Variants in KAZN observed in about 807,000 individuals in gnomAD.
KAZN encodes the protein kazrin, periplakin interacting protein.
In KAZN, 40 loss-of-function variants were observed where a neutral mutation model predicts 87.4. The ratio of observed to expected loss-of-function variants is 0.46; its 90% CI spans 0.36 to 0.60. The LOEUF (loss-of-function observed/expected upper bound fraction) is 0.60, where lower values mean the gene tolerates loss of function less well. Among genes scored for constraint, KAZN ranks in the 20% least tolerant of loss-of-function variants. The pLI, the probability that KAZN is intolerant of heterozygous loss-of-function variation, is 0.00. For synonymous variants in KAZN, 466 were observed against 458.3 expected, an observed-to-expected ratio of 1.02 and a Z score of -0.22; for missense variants, 898 against 1,073.9, an observed-to-expected ratio of 0.84 and a Z score of 2.29.
chr1:14,770,877 G>C (rs1005298375), intron 1 of KAZN, among the ~76,000 whole-genome samples: 1 of 152,154 alleles, frequency 6.6e-6, no homozygotes, highest in African/African-American at 2.4e-5. Flanking sequence ...ACAGAAGCAG[G>C]AATTAACTTT....
chr1:14,515,745 A>G (rs1037299330), intron 2 of KAZN, among the ~76,000 whole-genome samples: 4 of 151,942 alleles, frequency 2.6e-5, no homozygotes, highest in Non-Finnish European at 4.4e-5. Context: ...TGACTGCTTG[A>G]CCAAAGGGCT....
At chr1:14,354,038 A>T (rs1658781729) in intron 2 of KAZN, among the ~76,000 whole-genome samples, 1 of 152,244 alleles carries the variant, frequency 6.6e-6, no homozygotes, top group African/African-American at 2.4e-5. Context: ...AGTTATGGTA[A>T]TCACAACAGT....
At chr1:14,705,628 G>T (rs142799650) in intron 1 of KAZN, among the ~76,000 whole-genome samples, 18 of 152,280 alleles carry the variant, frequency 1.2e-4, no homozygotes, top group Middle Eastern at 6.8e-3. Context: ...GCCATTAGAG[G>T]CTACATGGGT....
At chr1:14,086,496 A>G (rs1185790666) in intron 1 of KAZN, among the ~76,000 whole-genome samples, 1 of 152,156 alleles carries the variant, frequency 6.6e-6, no homozygotes, top group Non-Finnish European at 1.5e-5. Context: ...TCATTTTCTT[A>G]TCAGTATCTC....
At chr1:14,960,360 A>G (rs1029759449) in intron 1 of KAZN, among the ~76,000 whole-genome samples, 1 of 152,338 alleles carries the variant, frequency 6.6e-6, no homozygotes, top group Admixed American at 6.5e-5. Flanking sequence ...TCAACTCAGC[A>G]TGCTGTTGGC....
At chr1:14,302,718 A>C (rs1468899484) in intron 2 of KAZN, among the ~76,000 whole-genome samples, 1 of 152,220 alleles carries the variant, frequency 6.6e-6, no homozygotes, top group Admixed American at 6.5e-5. Context: ...TCTCCAAAAA[A>C]GGCAAAAGAC....
At chr1:14,845,138 TG>T (rs1294873397) in intron 1 of KAZN, among the ~76,000 whole-genome samples, 1 of 149,586 alleles carries the variant, frequency 6.7e-6, no homozygotes, top group East Asian at 2.0e-4. Flanking sequence ...GATGAGTGGA[TG>T]ATGAATGGAT....
Position 14,368,660 on chromosome 1 carries a change from A to G in KAZN, c.249+188068A>G, listed in dbSNP as rs570743885. On this transcript the variant is annotated intron_variant, in intron 2 of 16. Coordinates refer to the KAZN transcript ENST00000636203. ...CCTCCTAAGCCTCTGGCTCAATCCT[A>G]CCTCAGGCTGTTGGCTCCTTGGAGT... Among the ~76,000 whole-genome samples the G allele has an allele frequency of 8.5e-5, 13 of 152,152 alleles. No homozygotes were observed. The East Asian group carries it at 2.5e-3, about 30-fold the overall frequency.
chr1:14,402,429 T>A (rs1663496010), intron 2 of KAZN, among the ~76,000 whole-genome samples: 1 of 152,110 alleles, frequency 6.6e-6, no homozygotes. Context: ...ACAAAAGCCT[T>A]GCAAGAACTT....
At chr1:14,394,829 T>C (rs1244391631) in intron 2 of KAZN, among the ~76,000 whole-genome samples, 1 of 152,180 alleles carries the variant, frequency 6.6e-6, no homozygotes, top group Non-Finnish European at 1.5e-5. Flanking sequence ...CTTACAGATA[T>C]GGGGACAGTA....
At chr1:14,724,050 C>T (rs1398498946) in intron 1 of KAZN, among the ~76,000 whole-genome samples, 6 of 152,094 alleles carry the variant, frequency 3.9e-5, no homozygotes, top group Admixed American at 2.6e-4. Flanking sequence ...AAAAGGAGTA[C>T]GTTTCATTTT....
At chr1:14,734,674 C>CT (rs1357712577) in intron 1 of KAZN, among the ~76,000 whole-genome samples, 1 of 152,210 alleles carries the variant, frequency 6.6e-6, no homozygotes, top group African/African-American at 2.4e-5. Flanking sequence ...AGAGTCCACA[C>CT]TTTGACTAGC....
At chr1:14,155,283 T>C (rs543913038) in intron 1 of KAZN, among the ~76,000 whole-genome samples, 1 of 152,302 alleles carries the variant, frequency 6.6e-6, no homozygotes, top group Non-Finnish European at 1.5e-5. Context: ...GTCTAGGAAT[T>C]TGTCCATGTC....
chr1:14,239,958 A>T (rs1376212367), intron 2 of KAZN, among the ~76,000 whole-genome samples: 1 of 152,142 alleles, frequency 6.6e-6, no homozygotes, highest in Non-Finnish European at 1.5e-5. Context: ...ACAAAGATGT[A>T]CCCAGCCCCA....
intron 2 of KAZN, among the ~76,000 whole-genome samples, chr1:14,520,825 G>T (rs1203089565): frequency 6.6e-6 from 1 of 152,126 alleles, no homozygotes; most frequent in African/African-American, 2.4e-5. Context: ...TGATTCACCG[G>T]ACTCAACTAA....
At chr1:14,125,937 T>C (rs555721238) in intron 1 of KAZN, among the ~76,000 whole-genome samples, 1 of 114,672 alleles carries the variant, frequency 8.7e-6, no homozygotes, top group African/African-American at 3.4e-5. Context: ...CCTCCGTCAG[T>C]AAGGCCAGTG....
intron 2 of KAZN, among the ~76,000 whole-genome samples, chr1:14,199,562 G>A (rs896866135): frequency 6.6e-6 from 1 of 152,222 alleles, no homozygotes; most frequent in Non-Finnish European, 1.5e-5. Context: ...TGAGTGCAGG[G>A]CCCAGGTCTG....
chr1:14,903,156 A>C lies in KAZN; in HGVS notation c.227-57528A>C, dbSNP rs545572286. ...AGTGCTGGGATTACAGGTGTGAGCC[A>C]CCACACCTGGCCGCCTCTTATTTCT... On this transcript the variant is annotated intron_variant, in intron 1 of 14. Coordinates refer to ENST00000376030, the MANE Select transcript of KAZN (RefSeq NM_201628.3). Among the ~76,000 whole-genome samples, 10 of 152,190 alleles carry C rather than the reference A, an allele frequency of 6.6e-5. No individual in the cohort carries two copies. The South Asian group carries it at 2.1e-3, about 32-fold the overall frequency.
intron 2 of KAZN, among the ~76,000 whole-genome samples, chr1:14,259,669 A>T (rs1490022620): frequency 6.6e-6 from 1 of 152,186 alleles, no homozygotes; most frequent in Non-Finnish European, 1.5e-5. Context: ...ACATGAGACA[A>T]ACTGCTTCCT....
Sources: gnomAD v4.1 joint callset for allele counts (sites outside exome capture counted in the v4.1 genomes callset) on GRCh38, gnomAD v4.1.1 for gene constraint, MANE v1.5 for transcripts, NCBI Gene and HGNC (gene_info 2026-07-23, HGNC 2026-07-21) for gene names.